NFIB: variants seen among roughly 807,000 people sequenced by gnomAD.
NFIB encodes the protein nuclear factor I B, also known as nuclear factor 1 B-type.
NFIB carries 11 observed loss-of-function variants against 61.5 expected under a neutral mutation model. The observed-to-expected ratio is 0.18, with a 90% CI of 0.11 to 0.30. The LOEUF is 0.30. NFIB is among the 10% of genes least tolerant of loss of function. NFIB has a pLI of 1.00. For missense variants in NFIB, 471 were observed against 608.9 expected (o/e 0.77, Z 2.38); for synonymous variants, 260 against 216.5 (o/e 1.20, Z -1.76).
chr9:14,158,851 G>C (rs1449646149), intron 3 of NFIB, among the ~76,000 whole-genome samples: 1 of 152,148 alleles, frequency 6.6e-6, no homozygotes, highest in Non-Finnish European at 1.5e-5. Flanking sequence ...TTAATACAAA[G>C]TAACAACCAA....
intron 7 of NFIB, among the ~76,000 whole-genome samples, chr9:14,125,052 T>G (rs557819981): frequency 6.6e-6 from 1 of 152,338 alleles, no homozygotes; most frequent in South Asian, 2.1e-4. Context: ...ATAATGAAGA[T>G]AGCTATGTAC....
intron 1 of NFIB, among the ~76,000 whole-genome samples, chr9:14,346,179 C>G (rs540681342): frequency 4.6e-5 from 7 of 151,356 alleles, no homozygotes; most frequent in Non-Finnish European, 1.0e-4. Flanking sequence ...AAGAGACTTG[C>G]GGTGGGCGCC....
chr9:14,270,167 C>G (rs952883490), intron 2 of NFIB, among the ~76,000 whole-genome samples: 3 of 152,130 alleles, frequency 2.0e-5, no homozygotes, highest in African/African-American at 7.2e-5. Context: ...CACACTAAAT[C>G]TGTCTGAATA....
the NFIB span, among the ~76,000 whole-genome samples, chr9:14,499,358 G>A: frequency 1.3e-5 from 2 of 152,088 alleles, no homozygotes; most frequent in South Asian, 4.1e-4. Flanking sequence ...TGGAAGCTGG[G>A]AAGGTGGTCA....
chr9:14,339,784 G>A (rs1170291351), intron 1 of NFIB, among the ~76,000 whole-genome samples: 1 of 152,134 alleles, frequency 6.6e-6, no homozygotes, highest in Non-Finnish European at 1.5e-5. Flanking sequence ...AAGAGACTAG[G>A]GGAGAGAATT....
At chr9:14,126,746 A>G (rs1186213175) in intron 6 of NFIB, among the ~76,000 whole-genome samples, 3 of 152,222 alleles carry the variant, frequency 2.0e-5, no homozygotes, top group Non-Finnish European at 1.5e-5. Flanking sequence ...ACATGATCAC[A>G]ATGACAGTTT....
At chr9:14,134,103 G>A (rs2130971060) in intron 6 of NFIB, among the ~76,000 whole-genome samples, 1 of 152,262 alleles carries the variant, frequency 6.6e-6, no homozygotes, top group East Asian at 1.9e-4. Context: ...ATAAAAAAGA[G>A]GTGCATGGGT....
rs576088147 is a variant in NFIB at position 14,115,080 on chromosome 9, C to T, written c.1384+1128G>A. Among the ~76,000 whole-genome samples, 7 of 152,058 alleles carry T rather than the reference C, an allele frequency of 4.6e-5. No individual in the cohort carries two copies. In the East Asian group the frequency reaches 7.8e-4, roughly 17 times the overall value. ...AAGCCTATAGGAACTTATTAATTGACGGGGCTCATGAATTTTGAGAAAGAA... is the reference window on the plus strand; with the variant it reads ...AAGCCTATAGGAACTTATTAATTGATGGGGCTCATGAATTTTGAGAAAGAA... On this transcript the variant is annotated intron_variant, in intron 9 of 10. Coordinates refer to ENST00000380953, the MANE Select transcript of NFIB (RefSeq NM_001190737.2).
At chr9:14,098,916 CA>C (rs1247903120) in intron 10 of NFIB, among the ~76,000 whole-genome samples, 1 of 152,202 alleles carries the variant, frequency 6.6e-6, no homozygotes, top group Admixed American at 6.5e-5. Flanking sequence ...CCCAAAGAGT[CA>C]GCTTTGGTTC....
At chr9:14,303,747 C>T (rs2059877081) in intron 2 of NFIB, among the ~76,000 whole-genome samples, 1 of 152,168 alleles carries the variant, frequency 6.6e-6, no homozygotes. Flanking sequence ...TGGCATCAAA[C>T]ACAGTGTCTG....
intron 2 of NFIB, among the ~76,000 whole-genome samples, chr9:14,223,253 T>C (rs576063841): frequency 6.6e-6 from 1 of 152,138 alleles, no homozygotes; most frequent in African/African-American, 2.4e-5. Context: ...CTGACAGAAA[T>C]CTATAGCAGG....
At chr9:14,230,327 G>A (rs2052966945) in intron 2 of NFIB, among the ~76,000 whole-genome samples, 1 of 152,186 alleles carries the variant, frequency 6.6e-6, no homozygotes, top group South Asian at 2.1e-4. Flanking sequence ...GGCAGAACTT[G>A]TCCAAGCTAT....
intron 1 of NFIB, among the ~76,000 whole-genome samples, chr9:14,395,727 T>C (rs1807428): frequency 1.3e-4 from 7 of 53,182 alleles, no homozygotes; most frequent in South Asian, 5.9e-4. Flanking sequence ...TTCTTTTGAC[T>C]TTTTTTTTTT....
chr9:14,182,768 T>C (rs1459741130), intron 2 of NFIB, among the ~76,000 whole-genome samples: 3 of 147,350 alleles, frequency 2.0e-5, no homozygotes, highest in East Asian at 4.0e-4. Flanking sequence ...GTATTTAATA[T>C]GTTACAGTGA....
At chr9:14,379,020 A>G (rs1588394896) in intron 1 of NFIB, among the ~76,000 whole-genome samples, 1 of 152,332 alleles carries the variant, frequency 6.6e-6, no homozygotes, top group Middle Eastern at 3.4e-3. Flanking sequence ...CATTGTTGCT[A>G]TCTGTATTAC....
At chr9:14,497,248 A>C in the NFIB span, among the ~76,000 whole-genome samples, 3 of 152,192 alleles carry the variant, frequency 2.0e-5, no homozygotes, top group African/African-American at 7.2e-5. Flanking sequence ...CATTCTATCA[A>C]TGTCACCCAA....
the NFIB span, among the ~76,000 whole-genome samples, chr9:14,457,630 AAAG>A: frequency 6.6e-5 from 10 of 152,020 alleles, no homozygotes; most frequent in Admixed American, 6.6e-4. Flanking sequence ...CAAGATTAAT[AAAG>A]AAGAAAAGAG....
chr9:14,325,662 A>G (rs894046334), intron 1 of NFIB, among the ~76,000 whole-genome samples: 1 of 151,986 alleles, frequency 6.6e-6, no homozygotes, highest in Non-Finnish European at 1.5e-5. Flanking sequence ...TATGATTTTT[A>G]TATTATTAAA....
At chr9:14,475,278 C>G in the NFIB span, among the ~76,000 whole-genome samples, 58,537 of 152,060 alleles carry the variant, frequency 0.38, 11,389 homozygotes, top group Middle Eastern at 0.47. Context: ...AGATTTGCAC[C>G]TGGGGAGCAT....
Sources: gnomAD v4.1 joint callset for allele counts (sites outside exome capture counted in the v4.1 genomes callset) on GRCh38, gnomAD v4.1.1 for gene constraint, MANE v1.5 for transcripts, NCBI Gene and HGNC (gene_info 2026-07-23, HGNC 2026-07-21) for gene names.